DROSHA: variants seen among roughly 807,000 people sequenced by gnomAD.
DROSHA encodes the protein drosha ribonuclease III, also known as ribonuclease 3.
Under a neutral mutation model 181.9 loss-of-function variants are expected in DROSHA, and 56 were observed. The observed-to-expected ratio is 0.31, with a 90% CI of 0.25 to 0.38. DROSHA has a LOEUF of 0.38. Among genes scored for constraint, DROSHA ranks in the 10% least tolerant of loss-of-function variants. The pLI is 1.00. For missense variants in DROSHA, 1,218 were observed against 1,743.5 expected (o/e 0.70, Z 5.37); for synonymous variants, 524 against 591.2 (o/e 0.89, Z 1.65).
At chr5:31,475,022 C>T (rs1750207114) in intron 16 of DROSHA, among the ~76,000 whole-genome samples, 1 of 152,112 alleles carries the variant, frequency 6.6e-6, no homozygotes, top group African/African-American at 2.4e-5. Flanking sequence ...AAGTCAGTCT[C>T]AAAACACATT....
chr5:31,488,563 G>GGA (rs748420223), intron 13 of DROSHA, among the ~76,000 whole-genome samples: 16 of 152,094 alleles, frequency 1.1e-4, no homozygotes, highest in Non-Finnish European at 1.9e-4. Context: ...AGAAGTGCGT[G>GGA]GAGAGAGAGA....
At chr5:31,450,381 T>C (rs766882881) in intron 21 of DROSHA, among the ~76,000 whole-genome samples, 2 of 152,202 alleles carry the variant, frequency 1.3e-5, no homozygotes, top group Non-Finnish European at 2.9e-5. Context: ...CCTGCACTTC[T>C]ATGCTTATTG....
At chr5:31,530,039 T>C (rs1329780731) in intron 3 of DROSHA, among the ~76,000 whole-genome samples, 5 of 152,238 alleles carry the variant, frequency 3.3e-5, no homozygotes, top group Non-Finnish European at 7.3e-5. Flanking sequence ...AACTTTACTA[T>C]GTAGACTTTC....
chr5:31,407,278 GAA>G (rs1221239071), intron 33 of DROSHA, among the ~76,000 whole-genome samples: 1 of 152,110 alleles, frequency 6.6e-6, no homozygotes, highest in African/African-American at 2.4e-5. Context: ...CTTTTATCAT[GAA>G]AAGTTAAGAG....
At chr5:31,429,408 A>C in intron 27 of DROSHA, 67 bp downstream of exon 27, 1 of 1,422,768 alleles carries the variant, frequency 7.0e-7, no homozygotes, top group Middle Eastern at 2.0e-4. Flanking sequence ...AATTACAAAG[A>C]CCAGCTGAAA....
chr5:31,521,956 C>A lies in DROSHA; in HGVS notation c.855-741G>T, dbSNP rs547792135. 2.6e-5 allele frequency among the ~76,000 whole-genome samples: 4 copies of A among 152,206 alleles called. No homozygotes were observed. The South Asian group carries it at 6.2e-4, about 24-fold the overall frequency. ...AGAACTACAAGTCTAAAGGAAGTAACCTTCCAATCTTAGAACAGGAAAAAT... is the reference window on the plus strand; with the variant it reads ...AGAACTACAAGTCTAAAGGAAGTAAACTTCCAATCTTAGAACAGGAAAAAT... On this transcript the variant is annotated intron_variant, in intron 5 of 35. Coordinates refer to ENST00000344624, the MANE Select transcript of DROSHA (RefSeq NM_001382508.1).
intron 13 of DROSHA, among the ~76,000 whole-genome samples, chr5:31,487,350 G>A (rs1218245225): frequency 6.6e-6 from 1 of 152,148 alleles, no homozygotes; most frequent in African/African-American, 2.4e-5. Context: ...TGAAAATGAA[G>A]GAAGGCTCAG....
chr5:31,475,528 T>C (rs116827910), intron 16 of DROSHA, among the ~76,000 whole-genome samples: 2,467 of 152,280 alleles, frequency 0.016, 49 homozygotes, highest in African/African-American at 0.056. Context: ...ACGTTGTCTA[T>C]ACACTTCACA....
At chr5:31,436,747 C>CACAA (rs1326537475) in intron 24 of DROSHA, among the ~76,000 whole-genome samples, 673 of 15,662 alleles carry the variant, frequency 0.043, 3 homozygotes, top group Middle Eastern at 0.12. Context: ...GAGAAACACA[C>CACAA]ACACACACAC....
rs552280508 is a variant in DROSHA at position 31,470,466 on chromosome 5, C to T, written c.2241+1597G>A. Among the ~76,000 whole-genome samples, 3 of 152,216 alleles carry T rather than the reference C, an allele frequency of 2.0e-5. No individual in the cohort carries two copies. Among genetic ancestry groups the T allele is most frequent in the Admixed American group, 6.5e-5 (1 of 15,288 alleles). On this transcript the variant is annotated intron_variant, in intron 17 of 35. Transcript: ENST00000344624. This position sits in a 1 kb window ranked among gnomAD's most constrained non-coding sequence, Gnocchi z 4.0. ...AAATAGTTGCGGTATGGCAGACCCC[C>T]GCAACTACTTTTGTGCCAGCCTAAC... is the stretch of plus-strand genomic sequence containing the variant.
chr5:31,464,019 C>G (rs980367983), intron 20 of DROSHA: 72 of 553,524 alleles, frequency 1.3e-4, no homozygotes, highest in Non-Finnish European at 2.2e-4. Context: ...TCTCCCTGCC[C>G]CAGCACCCAC....
chr5:31,486,074 T>C (rs1751712879), intron 14 of DROSHA, among the ~76,000 whole-genome samples: 1 of 152,208 alleles, frequency 6.6e-6, no homozygotes, highest in Non-Finnish European at 1.5e-5. Flanking sequence ...AGGAAAAATA[T>C]GTAAATATAT....
intron 8 of DROSHA, among the ~76,000 whole-genome samples, chr5:31,512,655 A>G (rs989208598): frequency 2.0e-5 from 3 of 152,244 alleles, no homozygotes; most frequent in Non-Finnish European, 2.9e-5. Flanking sequence ...TTAGAACAGG[A>G]ATCCTTAAAA....
intron 11 of DROSHA, among the ~76,000 whole-genome samples, chr5:31,499,546 C>T (rs1753350269): frequency 6.6e-6 from 1 of 151,346 alleles, no homozygotes; most frequent in African/African-American, 2.5e-5. Flanking sequence ...AAGCCAAACA[C>T]CCAGGTGTTT....
intron 20 of DROSHA, among the ~76,000 whole-genome samples, chr5:31,453,917 A>G (rs1747328104): frequency 6.7e-6 from 1 of 149,954 alleles, no homozygotes; most frequent in African/African-American, 2.5e-5. Context: ...ATGTCTGCCA[A>G]CTGCTTTAAT....
intron 11 of DROSHA, among the ~76,000 whole-genome samples, chr5:31,504,197 C>T (rs749109510): frequency 2.0e-5 from 3 of 152,186 alleles, no homozygotes; most frequent in Non-Finnish European, 4.4e-5. Context: ...AAGACATGCA[C>T]TTCAAAGCAC....
Position 31,474,166 on chromosome 5 carries a change from C to T in DROSHA, c.2072-1934G>A, listed in dbSNP as rs564188693. Among the ~76,000 whole-genome samples, 9 of 152,256 alleles carry T rather than the reference C, an allele frequency of 5.9e-5. No individual in the cohort carries two copies. The East Asian group carries it at 1.7e-3, about 29-fold the overall frequency. On this transcript the variant is annotated intron_variant, in intron 16 of 35. Transcript: ENST00000344624. ...GCTTCTAAAAAATAATAATGATTGT[C>T]CAAGAAGTGACAAAGTCACAAAATA...
intron 24 of DROSHA, among the ~76,000 whole-genome samples, chr5:31,436,775 CACACACACACACACACACACACTA>C (rs1744874853): frequency 6.7e-6 from 1 of 148,838 alleles, no homozygotes; most frequent in African/African-American, 2.6e-5. Flanking sequence ...CACACACACA[CACACACACACACACACACACACTA>C]GAAAATCTGG....
At chr5:31,507,366 A>G (rs1278580368) in intron 10 of DROSHA, among the ~76,000 whole-genome samples, 1 of 151,660 alleles carries the variant, frequency 6.6e-6, no homozygotes, top group Non-Finnish European at 1.5e-5. Context: ...AGGCTGAGGC[A>G]GGAGAATCAC....
Sources: allele counts gnomAD v4.1 joint callset (sites outside exome capture counted in the v4.1 genomes callset), GRCh38; gene constraint gnomAD v4.1.1; non-coding constraint Gnocchi (gnomAD v3.1); transcripts MANE v1.5; gene names NCBI Gene and HGNC (gene_info 2026-07-23, HGNC 2026-07-21).